SORBS2: variants seen among roughly 807,000 people sequenced by gnomAD.
The protein encoded by SORBS2 is sorbin and SH3 domain containing 2, also known as sorbin and SH3 domain-containing protein 2.
In SORBS2, 46 loss-of-function variants were observed where a neutral mutation model predicts 97.7. The observed-to-expected ratio is 0.47, with a 90% confidence interval of 0.37 to 0.60. SORBS2 has a LOEUF of 0.60. Among genes scored for constraint, SORBS2 ranks in the 20% least tolerant of loss-of-function variants. SORBS2 has a pLI of 0.00. For missense variants in SORBS2, 1,316 were observed against 1,282.3 expected (o/e 1.03, Z -0.40); for synonymous variants, 476 against 473.4 (o/e 1.01, Z -0.07).
chr4:185,703,308 T>G (rs1481652830), intron 2 of SORBS2, among the ~76,000 whole-genome samples: 2 of 152,186 alleles, frequency 1.3e-5, no homozygotes, highest in Non-Finnish European at 2.9e-5. Context: ...ATGAGTAGTG[T>G]GGTAGGTACA....
intron 2 of SORBS2, among the ~76,000 whole-genome samples, chr4:185,721,582 T>G (rs1255127342): frequency 6.6e-6 from 1 of 152,190 alleles, no homozygotes; most frequent in Non-Finnish European, 1.5e-5. Context: ...AGTTGGAATT[T>G]TGGAAACCAA....
intron 14 of SORBS2, chr4:185,587,889 T>C: frequency 3.9e-6 from 2 of 519,076 alleles, no homozygotes; most frequent in Admixed American, 3.4e-5. Context: ...TCACTGCCCC[T>C]CCGGCATAAA....
chr4:185,876,278 T>G (rs1203651343), intron 1 of SORBS2, among the ~76,000 whole-genome samples: 1 of 152,176 alleles, frequency 6.6e-6, no homozygotes, highest in East Asian at 1.9e-4. Flanking sequence ...TGGCTAATTT[T>G]TGTATTTTTA....
chr4:185,730,883 G>A (rs1023193370), intron 2 of SORBS2, among the ~76,000 whole-genome samples: 44 of 152,304 alleles, frequency 2.9e-4, no homozygotes, highest in Non-Finnish European at 1.6e-4. Context: ...GCAGCCTGAC[G>A]TAGCTGCAGA....
At chr4:185,616,746 CTTTTAT>C (rs1172190311) in intron 9 of SORBS2, among the ~76,000 whole-genome samples, 1 of 152,030 alleles carries the variant, frequency 6.6e-6, no homozygotes, top group Admixed American at 6.6e-5. Context: ...TTTCCCCTCA[CTTTTAT>C]TTTTATTTGT....
chr4:185,915,702 G>T (rs1561297370), intron 1 of SORBS2, among the ~76,000 whole-genome samples: 1 of 151,348 alleles, frequency 6.6e-6, no homozygotes, highest in East Asian at 1.9e-4. Flanking sequence ...AGGTCCTTCT[G>T]CCCCCCACCC....
intron 2 of SORBS2, among the ~76,000 whole-genome samples, chr4:185,761,245 C>T (rs1236020846): frequency 2.0e-5 from 3 of 152,184 alleles, no homozygotes; most frequent in Admixed American, 1.3e-4. Flanking sequence ...CTCTGTTAGA[C>T]TTTTTCCTGA....
chr4:185,872,601 A>G (rs4861686), intron 1 of SORBS2, among the ~76,000 whole-genome samples: 65,470 of 152,134 alleles, frequency 0.43, 15,245 homozygotes, highest in East Asian at 0.72. Flanking sequence ...CTCCATACCA[A>G]AAAAGGCCAC....
At chr4:185,865,255 G>C (rs6834169) in intron 1 of SORBS2, among the ~76,000 whole-genome samples, 1 of 151,942 alleles carries the variant, frequency 6.6e-6, no homozygotes, top group African/African-American at 2.4e-5. Flanking sequence ...TAAGAGGTGC[G>C]GTGACAACAG....
chr4:185,665,260 C>A (rs577866538), intron 4 of SORBS2, among the ~76,000 whole-genome samples: 3 of 152,020 alleles, frequency 2.0e-5, no homozygotes, highest in Admixed American at 1.3e-4. Flanking sequence ...GAAGGAGGAA[C>A]AAGAAAAATT....
At chr4:185,952,405 C>A (rs575771285) in intron 1 of SORBS2, among the ~76,000 whole-genome samples, 1 of 152,206 alleles carries the variant, frequency 6.6e-6, no homozygotes, top group Admixed American at 6.5e-5. Context: ...GAGGCCTGGG[C>A]CAGTAGGTAG....
At chr4:185,673,739 G>C (rs944630538) in intron 4 of SORBS2, among the ~76,000 whole-genome samples, 1 of 152,152 alleles carries the variant, frequency 6.6e-6, no homozygotes, top group Non-Finnish European at 1.5e-5. Context: ...TGAAACAGCT[G>C]ACTGCCCAAC....
At chr4:185,647,273 A>T (rs2097223255) in intron 3 of SORBS2, among the ~76,000 whole-genome samples, 1 of 152,130 alleles carries the variant, frequency 6.6e-6, no homozygotes, top group African/African-American at 2.4e-5. Context: ...AGAGTCAAAC[A>T]TCTCATTCAT....
chr4:185,893,189 G>C (rs1365023643), intron 1 of SORBS2, among the ~76,000 whole-genome samples: 8 of 152,192 alleles, frequency 5.3e-5, no homozygotes, highest in Admixed American at 2.0e-4. Context: ...GAAGAAAGAA[G>C]AGACAGAAAG....
chr4:185,829,389 T>C lies in SORBS2; in HGVS notation c.-337-54023A>G, dbSNP rs896934222. Among the ~76,000 whole-genome samples the C allele has an allele frequency of 3.3e-5, 5 of 152,360 alleles. No individual in the cohort carries two copies. In the East Asian group the frequency reaches 9.6e-4, roughly 29 times the overall value. ...ATCTGTGTGAAATGCAGATTCCAGCTATTGAGATCTTGGTGTATACTAATC... is the reference window on the plus strand; with the variant it reads ...ATCTGTGTGAAATGCAGATTCCAGCCATTGAGATCTTGGTGTATACTAATC... On this transcript the variant is annotated intron_variant, in intron 1 of 20. Coordinates refer to the SORBS2 transcript ENST00000284776.
intron 1 of SORBS2, among the ~76,000 whole-genome samples, chr4:185,930,115 A>G (rs748303851): frequency 2.6e-5 from 4 of 152,200 alleles, no homozygotes; most frequent in African/African-American, 7.2e-5. Flanking sequence ...TCAGAACAGG[A>G]TGCTAACAAC....
chr4:185,858,342 C>T (rs1472185353), intron 1 of SORBS2, among the ~76,000 whole-genome samples: 5 of 152,192 alleles, frequency 3.3e-5, no homozygotes, highest in Non-Finnish European at 7.4e-5. Context: ...ACTTCCCAGC[C>T]CCCAGAACTG....
intron 2 of SORBS2, among the ~76,000 whole-genome samples, chr4:185,750,701 T>C (rs2153598224): frequency 6.6e-6 from 1 of 152,344 alleles, no homozygotes; most frequent in African/African-American, 2.4e-5. Context: ...CTATTGCTAG[T>C]TTGAGAATAA....
At chr4:185,686,816 G>A (rs370172982) in intron 2 of SORBS2, among the ~76,000 whole-genome samples, 2 of 152,348 alleles carry the variant, frequency 1.3e-5, no homozygotes. Context: ...TGTGGGCTGC[G>A]ATGCCCTGGG....
Sources: gnomAD v4.1 joint callset for allele counts (sites outside exome capture counted in the v4.1 genomes callset) on GRCh38, gnomAD v4.1.1 for gene constraint, MANE v1.5 for transcripts, NCBI Gene and HGNC (gene_info 2026-07-23, HGNC 2026-07-21) for gene names.